NEMP2: variants seen among roughly 807,000 people sequenced by gnomAD.
NEMP2 encodes nuclear envelope integral membrane protein 2.
In NEMP2, 53 loss-of-function variants were observed where a neutral mutation model predicts 54.2. The ratio of observed to expected loss-of-function variants is 0.98; its 90% CI spans 0.78 to 1.23. The LOEUF is 1.23. NEMP2 is among the 50% of genes most tolerant of loss of function. The pLI is 0.00. For missense variants in NEMP2, 455 were observed against 511.3 expected (o/e 0.89, Z 1.06); for synonymous variants, 197 against 190.3 (o/e 1.04, Z -0.29).
chr2:190,572,833 GTATATATATATATATATATATA>G, the NEMP2 span, among the ~76,000 whole-genome samples: 26 of 47,866 alleles, frequency 5.4e-4, no homozygotes, highest in African/African-American at 1.3e-3. Flanking sequence ...CTTTTCATGA[GTATATATATATATATATATATA>G]TATATATATA....
the NEMP2 span, among the ~76,000 whole-genome samples, chr2:190,597,504 G>A: frequency 6.6e-6 from 1 of 152,126 alleles, no homozygotes; most frequent in African/African-American, 2.4e-5. The surrounding 1 kb of genome is among the most constrained non-coding windows in gnomAD (Gnocchi z 4.7). Context: ...TACTTGCTGT[G>A]TTGATGAGGG....
the NEMP2 span, among the ~76,000 whole-genome samples, chr2:190,473,966 C>G: frequency 6.6e-6 from 1 of 152,186 alleles, no homozygotes; most frequent in South Asian, 2.1e-4. Context: ...TGAATGACTA[C>G]TGGGTACATA....
the NEMP2 span, among the ~76,000 whole-genome samples, chr2:190,481,833 C>T: frequency 6.6e-6 from 1 of 151,928 alleles, no homozygotes; most frequent in Admixed American, 6.6e-5. Context: ...AAGATCCATG[C>T]TGCTGCTGCT....
the NEMP2 span, among the ~76,000 whole-genome samples, chr2:190,580,231 A>G: frequency 1.3e-5 from 2 of 152,184 alleles, no homozygotes; most frequent in Non-Finnish European, 2.9e-5. This position sits in a 1 kb window ranked among gnomAD's most constrained non-coding sequence, Gnocchi z 5.3. Flanking sequence ...CAATGCATCA[A>G]GGGAATGAGA....
chr2:190,487,339 CAAACA>C, the NEMP2 span, among the ~76,000 whole-genome samples: 75 of 152,232 alleles, frequency 4.9e-4, no homozygotes, highest in Middle Eastern at 3.4e-3. The surrounding 1 kb of genome is among the most constrained non-coding windows in gnomAD (Gnocchi z 5.5). Flanking sequence ...TACTCCATCT[CAAACA>C]AAACAAAACA....
chr2:190,440,666 A>T, the NEMP2 span, among the ~76,000 whole-genome samples: 2 of 152,188 alleles, frequency 1.3e-5, no homozygotes, highest in African/African-American at 4.8e-5. Context: ...ATTTATTTAC[A>T]TTTTAAGGGA....
the NEMP2 span, among the ~76,000 whole-genome samples, chr2:190,490,902 C>G: frequency 6.6e-6 from 1 of 152,184 alleles, no homozygotes; most frequent in Non-Finnish European, 1.5e-5. The surrounding 1 kb of genome is among the most constrained non-coding windows in gnomAD (Gnocchi z 4.5). Context: ...CAATGAGTTA[C>G]TCAGAAAGAG....
At chr2:190,437,095 G>A in the NEMP2 span, 27 of 1,614,122 alleles carry the variant, frequency 1.7e-5, no homozygotes, top group Middle Eastern at 1.6e-4. This position sits in a 1 kb window ranked among gnomAD's most constrained non-coding sequence, Gnocchi z 5.9. Flanking sequence ...AGTGCTCATC[G>A]ATGGAAAGGG....
rs555847770 is a variant in NEMP2, at chr2:190,529,085, G to A, written c.98-3707C>T. On this transcript the variant is annotated intron_variant, in intron 1 of 8. Transcript: ENST00000409150. This position sits in a 1 kb window ranked among gnomAD's most constrained non-coding sequence, Gnocchi z 4.7. ...GGCCCGGGTACAATGGCTCATGCCT[G>A]TAATTTCGCTTGAACCTGGGAGGCG... 6.6e-6 allele frequency among the ~76,000 whole-genome samples: 1 copy of A among 152,258 alleles called. No individual in the cohort carries two copies. Among genetic ancestry groups the A allele is most frequent in the Admixed American group, 6.5e-5 (1 of 15,298 alleles).
chr2:190,500,833 T>C (rs1689990297), downstream of NEMP2: 1 of 152,482 alleles, frequency 6.6e-6, no homozygotes, highest in South Asian at 2.1e-4. This position sits in a 1 kb window ranked among gnomAD's most constrained non-coding sequence, Gnocchi z 5.3. Flanking sequence ...TATTTTTATA[T>C]GTGTATGGCA....
At chr2:190,497,780 C>T in the NEMP2 span, 11 of 1,512,124 alleles carry the variant, frequency 7.3e-6, no homozygotes, top group Admixed American at 1.3e-4. The surrounding 1 kb of genome is among the most constrained non-coding windows in gnomAD (Gnocchi z 5.2). Context: ...TAACTGGGCT[C>T]AGTTTTAATT....
At chr2:190,586,140 T>A in the NEMP2 span, among the ~76,000 whole-genome samples, 3 of 152,136 alleles carry the variant, frequency 2.0e-5, no homozygotes, top group Admixed American at 6.6e-5. This position sits in a 1 kb window ranked among gnomAD's most constrained non-coding sequence, Gnocchi z 4.5. Flanking sequence ...ACATATTCAA[T>A]GCCTAAATCA....
Position 190,507,403 on chromosome 2 carries a change from T to C in NEMP2, c.*1786A>G, listed in dbSNP as rs1019848645. On this transcript the variant is annotated 3_prime_UTR_variant, in exon 9 of 9. Coordinates refer to ENST00000409150, the MANE Select transcript of NEMP2 (RefSeq NM_001142645.2). This position sits in a 1 kb window ranked among gnomAD's most constrained non-coding sequence, Gnocchi z 4.4. ...CCCCAGCAGATTGTTCATGTGTTATTTACTCATACGCATACGTTGTAGCAC... is the reference window on the plus strand; with the variant it reads ...CCCCAGCAGATTGTTCATGTGTTATCTACTCATACGCATACGTTGTAGCAC... The C allele has an allele frequency of 6.6e-6, 1 of 152,180 alleles. No individual in the cohort carries two copies. The highest frequency in any genetic ancestry group is 1.5e-5 in the Non-Finnish European group (1 of 68,038). 9.4% of individuals were successfully genotyped at this position (152,180 alleles called of 1,614,324 possible). A position where few individuals can be genotyped will look rare whatever the true frequency, so the allele number is the denominator to read the frequency against.
chr2:190,575,137 G>A, the NEMP2 span, among the ~76,000 whole-genome samples: 5 of 151,970 alleles, frequency 3.3e-5, no homozygotes, highest in African/African-American at 1.2e-4. Context: ...TTACAGGTGT[G>A]AGCCACCGTG....
At chr2:190,581,632 T>C in the NEMP2 span, among the ~76,000 whole-genome samples, 1 of 152,232 alleles carries the variant, frequency 6.6e-6, no homozygotes, top group Non-Finnish European at 1.5e-5. Flanking sequence ...TTAAAAATGT[T>C]CTATTGAGTT....
At chr2:190,459,227 T>G in the NEMP2 span, among the ~76,000 whole-genome samples, 2 of 152,218 alleles carry the variant, frequency 1.3e-5, no homozygotes, top group Non-Finnish European at 2.9e-5. This position sits in a 1 kb window ranked among gnomAD's most constrained non-coding sequence, Gnocchi z 5.3. Context: ...TCCTGCTGTG[T>G]CTCACCACAG....
At chr2:190,621,410 T>C in the NEMP2 span, among the ~76,000 whole-genome samples, 1 of 152,214 alleles carries the variant, frequency 6.6e-6, no homozygotes, top group African/African-American at 2.4e-5. Flanking sequence ...TATTATAATC[T>C]TATGGGATCA....
the NEMP2 span, among the ~76,000 whole-genome samples, chr2:190,560,776 A>G: frequency 6.6e-6 from 1 of 152,218 alleles, no homozygotes; most frequent in Non-Finnish European, 1.5e-5. This position sits in a 1 kb window ranked among gnomAD's most constrained non-coding sequence, Gnocchi z 5.4. Context: ...AACATCCTCA[A>G]GGTGTGTAGG....
the NEMP2 span, chr2:190,497,575 C>A: frequency 6.2e-7 from 1 of 1,614,162 alleles, no homozygotes; most frequent in East Asian, 2.2e-5. The surrounding 1 kb of genome is among the most constrained non-coding windows in gnomAD (Gnocchi z 5.2). Flanking sequence ...AAACTAAGCA[C>A]CAGGAAGAAC....
Sources: gnomAD v4.1 joint callset for allele counts (sites outside exome capture counted in the v4.1 genomes callset) on GRCh38, gnomAD v4.1.1 for gene constraint, Gnocchi (gnomAD v3.1) non-coding constraint, MANE v1.5 for transcripts, NCBI Gene and HGNC (gene_info 2026-07-23, HGNC 2026-07-21) for gene names.